The following CCR10 variants were observed in gnomAD, a reference collection of about 807,000 sequenced individuals.
CCR10 encodes C-C motif chemokine receptor 10.
A neutral mutation model predicts 11.9 loss-of-function variants in CCR10; 11 were observed. The ratio of observed to expected loss-of-function variants is 0.92; its 90% confidence interval spans 0.58 to 1.53. The LOEUF (loss-of-function observed/expected upper bound fraction) is 1.53. Ranked by LOEUF, CCR10 falls within the 40% of genes most tolerant of loss-of-function variation. The pLI, the probability that CCR10 is intolerant of heterozygous loss-of-function variation, is 0.00. For synonymous variants in CCR10, 224 were observed against 245.4 expected (o/e 0.91, Z 0.81); for missense variants, 428 against 496.6 (o/e 0.86, Z 1.31).
In CCR10 at chr17:42,680,229, C is replaced by T. The variant is rs773778989; in HGVS notation, c.413G>A (p.Arg138His). ...FLFLACISADRYVAIARALPA... is the reference protein window; with the variant it reads ...FLFLACISADHYVAIARALPA... ...GAGCGCTCGCGCGATGGCCACGTAG[C>T]GGTCGGCGCTGATACAGGCCAGGAA... Residue 138 changes from arginine to histidine, a missense_variant, in exon 2 of 2, where the codon CGC becomes CAC. Arg to His is a conservative substitution (Grantham distance 29). Coordinates refer to ENST00000332438, the MANE Select transcript of CCR10 (RefSeq NM_016602.3). 3.1e-6 allele frequency: 5 copies of T among 1,593,576 alleles called. No homozygotes were observed. The highest frequency in any genetic ancestry group is 4.3e-6 in the Non-Finnish European group (5 of 1,170,648).
chr17:42,680,733 C>G (rs764746307), intron 1 of CCR10, 116 bp from the exon 2 acceptor site: 10 of 708,720 alleles, frequency 1.4e-5, no homozygotes, highest in South Asian at 7.2e-5. Flanking sequence ...TAACAGTACA[C>G]GGGGAGACAT....
At position 42,679,382 on chromosome 17, in the gene CCR10, T is replaced by C. The variant is rs992098706; in HGVS notation, c.*171A>G. 1 of 458,450 alleles carries C rather than the reference T, an allele frequency of 2.2e-6. No homozygotes were observed. Among genetic ancestry groups the C allele is most frequent in the African/African-American group, 2.0e-5 (1 of 49,564 alleles). The allele number at this position is 458,450 out of a possible 1,614,324, so 28.4% of individuals were successfully genotyped here. ...CCGCCACAAATCACTTCCAAGTCGG[T>C]GACTCAAAAATAGTAACAGTTGTTG... On this transcript the variant is annotated 3_prime_UTR_variant, in exon 2 of 2. Coordinates refer to ENST00000332438, the MANE Select transcript of CCR10 (RefSeq NM_016602.3).
chr17:42,681,764 T>G, intron 1 of CCR10, 36 bp downstream of exon 1: 1 of 1,467,902 alleles, frequency 6.8e-7, no homozygotes, highest in Non-Finnish European at 9.6e-7. Context: ...CCTCCCTCTC[T>G]GTAACCCTTC....
In CCR10 at chr17:42,679,566, G is replaced by C. The variant is rs1459838889; in HGVS notation, c.1076C>G (p.Ser359Cys). 2.2e-5 allele frequency: 32 copies of C among 1,474,932 alleles called. No individual in the cohort carries two copies. Among genetic ancestry groups the C allele is most frequent in the African/African-American group, 3.0e-5 (2 of 67,418 alleles). The allele number at this position is 1,474,932 out of a possible 1,614,324, so 91.4% of individuals were successfully genotyped here. A position where few individuals can be genotyped will look rare whatever the true frequency, so the allele number is the denominator to read the frequency against. The change falls in exon 2 of 2, where the codon TCC becomes TGC. Residue 359 changes from serine to cysteine, a missense_variant. Ser to Cys is a moderately radical substitution (Grantham distance 112). Coordinates refer to ENST00000332438, the MANE Select transcript of CCR10 (RefSeq NM_016602.3). ...AGATTCGCAGCCCTAGTTGTCCCAG[G>C]AGAGACTGTGGGTCTCCGTGGGAGC... The part of the protein sequence containing the change: ...CSAPTETHSL[S>C]WDN
intron 1 of CCR10, chr17:42,681,493 A>G (rs1305510848): frequency 4.0e-6 from 2 of 499,548 alleles, no homozygotes; most frequent in Non-Finnish European, 7.2e-6. Context: ...TGTACCTCCA[A>G]TACCAGCACA....
In CCR10 at chr17:42,679,690, G is replaced by C. The variant is rs764065497; in HGVS notation, c.952C>G (p.Arg318Gly). Reference sequence around the variant, plus strand: ...CGTAGCAGCCTCCGCAGGTCCTGGCGGAAGCGCAGGCCCAGGAAGGCGTAG... The same window carrying C: ...CGTAGCAGCCTCCGCAGGTCCTGGCCGAAGCGCAGGCCCAGGAAGGCGTAG... The part of the protein sequence containing the change: ...VLYAFLGLRF[R>G]QDLRRLLRGG... Residue 318 changes from arginine to glycine, a missense_variant, in exon 2 of 2, where the codon CGC (arginine) becomes GGC (glycine). Transcript: ENST00000332438. 2 of 1,530,042 alleles carry C rather than the reference G, an allele frequency of 1.3e-6. No individual in the cohort carries two copies. Among genetic ancestry groups the C allele is most frequent in the Admixed American group, 4.0e-5 (2 of 50,308 alleles). 94.8% of individuals were successfully genotyped at this position (1,530,042 alleles called of 1,614,324 possible). A position where few individuals can be genotyped will look rare whatever the true frequency, so the allele number is the denominator to read the frequency against.
chr17:42,679,808 G>A lies in CCR10; in HGVS notation c.834C>T (p.Arg278=), dbSNP rs1418723156. 1 of 1,608,134 alleles carries A rather than the reference G, an allele frequency of 6.2e-7. No homozygotes were observed. Among genetic ancestry groups the A allele is most frequent in the Non-Finnish European group, 8.5e-7 (1 of 1,178,442 alleles). The change falls in exon 2 of 2, where the codon CGC becomes CGT. Residue 278 remains arginine, a synonymous_variant. Transcript: ENST00000332438. ...LLDTADLLAA[R]ERSCPASKRK... The stretch of plus-strand genomic sequence containing the variant: ...GTTTGCTGGCAGGGCAGCTCCGCTC[G>A]CGCGCAGCCAGTAGATCGGCAGTAT...
chr17:42,679,268 A>T lies in CCR10; in HGVS notation c.*285T>A, dbSNP rs2052899224. 1 of 325,578 alleles carries T rather than the reference A, an allele frequency of 3.1e-6. No individual in the cohort carries two copies. Among genetic ancestry groups the T allele is most frequent in the Non-Finnish European group, 5.6e-6 (1 of 180,018 alleles). 20.2% of individuals were successfully genotyped at this position (325,578 alleles called of 1,614,324 possible). ...ACTCAGCAGCCCCCCACCCCCACCC[A>T]GGCCCTCAGCGTCTTCCACTCAGAG... On this transcript the variant is annotated 3_prime_UTR_variant, in exon 2 of 2. Transcript: ENST00000332438.
In CCR10 at chr17:42,679,551, C is replaced by T. The variant is rs368065835; in HGVS notation, c.*2G>A. On this transcript the variant is annotated 3_prime_UTR_variant, in exon 2 of 2. Coordinates refer to ENST00000332438, the MANE Select transcript of CCR10 (RefSeq NM_016602.3). The stretch of plus-strand genomic sequence containing the variant: ...CCTGCCCCCTCCTCTAGATTCGCAG[C>T]CCTAGTTGTCCCAGGAGAGACTGTG... The T allele has an allele frequency of 2.7e-5, 40 of 1,456,506 alleles. No individual in the cohort carries two copies. In the African/African-American group the frequency reaches 5.8e-4, roughly 21 times the overall value. The allele number at this position is 1,456,506 out of a possible 1,614,324, so 90.2% of individuals were successfully genotyped here.
rs1379719659 is a variant in CCR10, at chr17:42,679,748, C to T, written c.894G>A (p.Leu298=). Residue 298 remains leucine (L), a synonymous_variant, in exon 2 of 2, where the codon TTG becomes TTA. Coordinates refer to ENST00000332438, the MANE Select transcript of CCR10 (RefSeq NM_016602.3). ...GATTGAGGCCACAGCGGGCGAGGGC[C>T]AAGCCGCTGGTCACCAGCAGTGCGA... ...KDVALLVTSG[L]ALARCGLNPV... is the part of the protein sequence containing the mutation. 6.3e-7 allele frequency: 1 copy of T among 1,595,252 alleles called. No individual in the cohort carries two copies. Among genetic ancestry groups the T allele is most frequent in the African/African-American group, 1.4e-5 (1 of 73,246 alleles).
At chr17:42,680,708 C>T (rs2052921561) in intron 1 of CCR10, 91 bp from the exon 2 acceptor site, 1 of 873,206 alleles carries the variant, frequency 1.1e-6, no homozygotes, top group African/African-American at 1.7e-5. Context: ...CTGAGAGCTC[C>T]TGTGTGGCCA....
chr17:42,680,558 C>A lies in CCR10; in HGVS notation c.84G>T (p.Pro28=), dbSNP rs757257890. Residue 28 remains proline, a synonymous_variant, in exon 2 of 2, where the codon CCG becomes CCT. Coordinates refer to ENST00000332438, the MANE Select transcript of CCR10 (RefSeq NM_016602.3). ...EEDAYSAEPL[P]ELCYKADVQA... ...GGACATCGGCCTTGTAGCAAAGCTC[C>A]GGCAGTGGCTCAGCCGAGTATGCGT... 4 of 1,607,046 alleles carry A rather than the reference C, an allele frequency of 2.5e-6. No individual in the cohort carries two copies. The East Asian group carries it at 6.7e-5, about 27-fold the overall frequency.
chr17:42,679,893 A>G lies in CCR10; in HGVS notation c.749T>C (p.Val250Ala), dbSNP rs759724533. ...CACCACGAAGGCCGCCACCAGAGCC[A>G]CCACGACGCGCAGCGCACGCCGGCG... ...PERRRALRVV[V>A]ALVAAFVVLQ... Residue 250 changes from valine to alanine, a missense_variant, in exon 2 of 2, where the codon GTG becomes GCG. Val to Ala is a moderately conservative substitution (Grantham distance 64). Transcript: ENST00000332438. 97 of 1,579,312 alleles carry G rather than the reference A, an allele frequency of 6.1e-5. No homozygotes were observed. The highest frequency in any genetic ancestry group is 8.0e-5 in the Non-Finnish European group (94 of 1,168,792).
Position 42,679,514 on chromosome 17 carries a change from C to A in CCR10, c.*39G>T. The A allele has an allele frequency of 7.1e-7, 1 of 1,400,740 alleles. No homozygotes were observed. The highest frequency in any genetic ancestry group is 1.6e-5 in the South Asian group (1 of 60,676). The allele number at this position is 1,400,740 out of a possible 1,614,324, so 86.8% of individuals were successfully genotyped here. A position where few individuals can be genotyped will look rare whatever the true frequency, so the allele number is the denominator to read the frequency against. On this transcript the variant is annotated 3_prime_UTR_variant, in exon 2 of 2. Transcript: ENST00000332438. ...TGTTCCCCCACCTACTCCCCTTTCC[C>A]ACGACCCTCAGCCTGCCCCCTCCTC...
chr17:42,680,481 A>G lies in CCR10; in HGVS notation c.161T>C (p.Leu54Pro). The G allele has an allele frequency of 6.2e-7, 1 of 1,609,954 alleles. No homozygotes were observed. The highest frequency in any genetic ancestry group is 8.5e-7 in the Non-Finnish European group (1 of 1,178,532). The change falls in exon 2 of 2, where the codon CTG becomes CCG. Residue 54 changes from leucine (L) to proline (P), a missense_variant. By Grantham distance (98) the Leu-to-Pro change is moderately conservative (BLOSUM62 -3). Transcript: ENST00000332438. ...QPSVSLTVAA[L>P]GLAGNGLVLA... is the part of the protein sequence containing the mutation. ...GACCAGGCCATTGCCGGCCAGACCC[A>G]GCGCAGCCACGGTCAGGGAGACACT...
At chr17:42,681,668 G>A in intron 1 of CCR10, 132 bp downstream of exon 1, 1 of 750,210 alleles carries the variant, frequency 1.3e-6, no homozygotes, top group South Asian at 1.5e-5. Flanking sequence ...AGGACCCCTA[G>A]TCTGAGACAG....
In CCR10 at chr17:42,680,195, C is replaced by T. The variant is rs1481832562; in HGVS notation, c.447G>A (p.Gly149=). The T allele has an allele frequency of 1.2e-6, 2 of 1,606,428 alleles. No homozygotes were observed. Among genetic ancestry groups the T allele is most frequent in the Middle Eastern group, 1.7e-4 (1 of 6,054 alleles). Residue 149 remains glycine (G), a synonymous_variant, in exon 2 of 2, where the codon GGG becomes GGA. Transcript: ENST00000332438. ...CGCGGCCGGGAGTGGAGGGCCGCGG[C>T]CCGGCTGGGAGCGCTCGCGCGATGG... The part of the protein sequence containing the change: ...YVAIARALPA[G]PRPSTPGRAH...
In CCR10 at chr17:42,679,517, G is replaced by T. The variant is rs758147090; in HGVS notation, c.*36C>A. 3.6e-6 allele frequency: 5 copies of T among 1,390,624 alleles called. No individual in the cohort carries two copies. Among genetic ancestry groups the T allele is most frequent in the Non-Finnish European group, 4.7e-6 (5 of 1,056,306 alleles). 86.1% of individuals were successfully genotyped at this position (1,390,624 alleles called of 1,614,324 possible). ...TCCCCCACCTACTCCCCTTTCCCAC[G>T]ACCCTCAGCCTGCCCCCTCCTCTAG... On this transcript the variant is annotated 3_prime_UTR_variant, in exon 2 of 2. Transcript: ENST00000332438.
chr17:42,679,961 G>GTA lies in CCR10; in HGVS notation c.679_680dup (p.Ala228ThrfsTer68). On this transcript the variant is annotated frameshift_variant, in exon 2 of 2. Transcript: ENST00000332438. LOFTEE classifies it high-confidence loss of function. ...CCAGCAGCGTGCGGCCCAGAAGCGC[G>GTA]TAGCAGGCTACCATGACGCCCAGCG... 1 of 1,562,930 alleles carries GTA rather than the reference G, an allele frequency of 6.4e-7. No individual in the cohort carries two copies.
Sources: allele counts gnomAD v4.1 joint callset, GRCh38; gene constraint gnomAD v4.1.1; transcripts MANE v1.5; gene names NCBI Gene and HGNC (gene_info 2026-07-23, HGNC 2026-07-21).